The following TTLL8 variants were observed in gnomAD, a reference collection of about 807,000 sequenced individuals.
TTLL8 encodes protein monoglycylase TTLL8.
TTLL8 carries 65 observed loss-of-function variants against 77.8 expected under a neutral mutation model. That is an observed-to-expected ratio of 0.84 (90% CI 0.68 to 1.03). The LOEUF is 1.03. Among genes scored for constraint, TTLL8 ranks in the 50% least tolerant of loss-of-function variants. The pLI is 0.00. For synonymous variants in TTLL8, 402 were observed against 422.8 expected, an observed-to-expected ratio of 0.95 and a Z score of 0.60; for missense variants, 910 against 1,004.5, an observed-to-expected ratio of 0.91 and a Z score of 1.27.
In TTLL8 at chr22:50,041,479, C is replaced by T. The variant is rs1211954664; in HGVS notation, c.830+142G>A. The T allele has an allele frequency of 1.3e-5, 16 of 1,201,642 alleles. No individual in the cohort carries two copies. The highest frequency in any genetic ancestry group is 1.6e-5 in the Non-Finnish European group (15 of 941,764). 74.4% of individuals were successfully genotyped at this position (1,201,642 alleles called of 1,614,324 possible). On this transcript the variant is annotated intron_variant, in intron 7 of 13. Transcript: ENST00000266182. This position sits in a 1 kb window ranked among gnomAD's most constrained non-coding sequence, Gnocchi z 4.3. Reference sequence around the variant, plus strand: ...CCAGACAGGAGCCCCAACGCCAGGACAGGCATCTCAACACTCAATACCCCA... The same window carrying T: ...CCAGACAGGAGCCCCAACGCCAGGATAGGCATCTCAACACTCAATACCCCA...
At chr22:50,045,182 A>G (rs781142194) in intron 6 of TTLL8, 73 bp downstream of exon 8, 1 of 1,283,240 alleles carries the variant, frequency 7.8e-7, no homozygotes, top group Non-Finnish European at 1.0e-6. Flanking sequence ...GACCACACCC[A>G]GGAGGCGGGA....
upstream of TTLL8, among the ~76,000 whole-genome samples, chr22:50,057,942 G>A (rs575041007): frequency 6.6e-6 from 1 of 151,902 alleles, no homozygotes; most frequent in Admixed American, 6.6e-5. Context: ...CAGGTTTAGT[G>A]GGGGAGTTCT....
chr22:50,050,156 A>C, exon 2 of TTLL8: 1 of 1,367,140 alleles, frequency 7.3e-7, no homozygotes, highest in Non-Finnish European at 9.8e-7. Flanking sequence ...GACCTTGGGC[A>C]AAAAGTGGAA....
chr22:50,030,162 ACCCG>A, intron 12 of TTLL8: 1 of 984,964 alleles, frequency 1.0e-6, no homozygotes, highest in Non-Finnish European at 1.2e-6. Flanking sequence ...CAAAGGCGTC[ACCCG>A]CCAGGTTCTA....
chr22:50,052,408 A>G (rs903207128), intron 1 of TTLL8, among the ~76,000 whole-genome samples: 1 of 152,186 alleles, frequency 6.6e-6, no homozygotes, highest in East Asian at 1.9e-4. Flanking sequence ...CAGGTAAGAG[A>G]GGGGAAAGGG....
rs754545230 is a variant in TTLL8 at position 50,034,450 on chromosome 22, G to T, written c.934C>A (p.Leu312Met). 7.3e-7 allele frequency: 1 copy of T among 1,367,132 alleles called. No individual in the cohort carries two copies. The highest frequency in any genetic ancestry group is 9.8e-7 in the Non-Finnish European group (1 of 1,021,802). 84.7% of individuals were successfully genotyped at this position (1,367,132 alleles called of 1,614,324 possible). ...GGGTTCACAGACGTGATTCTATTCA[G>T]CAGAGCCTGGCACTGCGAAAAGTAA... is the stretch of plus-strand genomic sequence containing the variant. The change falls in exon 9 of 14, where the codon CTG becomes ATG. Residue 312 changes from leucine (L) to methionine (M), a missense_variant. Coordinates refer to ENST00000266182, the Ensembl canonical transcript of TTLL8. The surrounding 1 kb of genome is among the most constrained non-coding windows in gnomAD (Gnocchi z 4.1).
chr22:50,029,467 C>A (rs35180179), intron 12 of TTLL8, among the ~76,000 whole-genome samples: 1 of 149,578 alleles, frequency 6.7e-6, no homozygotes, highest in Admixed American at 6.6e-5. Flanking sequence ...TATTGCCGGG[C>A]GCGGTGGCTC....
chr22:50,049,349 G>T, intron 2 of TTLL8, 27 bp from the exon 5 acceptor site: 2 of 1,367,074 alleles, frequency 1.5e-6, no homozygotes, highest in Non-Finnish European at 2.0e-6. Context: ...GGGGAGGCCT[G>T]AACATGAAGC....
At chr22:50,028,624 C>A (rs1338086321) in intron 12 of TTLL8, among the ~76,000 whole-genome samples, 1 of 101,238 alleles carries the variant, frequency 9.9e-6, no homozygotes, top group African/African-American at 3.3e-5. Flanking sequence ...TCCTGAAGAC[C>A]CCCACATACC....
At chr22:50,024,082 C>T (rs1280657263) in intron 12 of TTLL8, among the ~76,000 whole-genome samples, 4 of 152,144 alleles carry the variant, frequency 2.6e-5, no homozygotes, top group Non-Finnish European at 4.4e-5. Context: ...GAGTAGCCAA[C>T]GCAATTTTGA....
At chr22:50,022,666 A>T (rs1011846081) in intron 12 of TTLL8, among the ~76,000 whole-genome samples, 1 of 150,242 alleles carries the variant, frequency 6.7e-6, no homozygotes, top group African/African-American at 2.4e-5. Context: ...ATGTGTTTTG[A>T]TGAAAACCCA....
At chr22:50,028,746 C>G (rs562561876) in intron 12 of TTLL8, among the ~76,000 whole-genome samples, 1 of 39,572 alleles carries the variant, frequency 2.5e-5, no homozygotes, top group African/African-American at 8.3e-5. Flanking sequence ...ATCACACCGT[C>G]CTAAAGACCC....
intron 10 of TTLL8, 121 bp downstream of exon 11, chr22:50,033,081 C>T (rs546647399): frequency 5.1e-6 from 6 of 1,178,892 alleles, no homozygotes; most frequent in East Asian, 5.8e-5. Flanking sequence ...CTGTGCCTCT[C>T]GTGGTGGCAG....
intron 5 of TTLL8, among the ~76,000 whole-genome samples, chr22:50,045,611 C>A (rs962304984): frequency 6.6e-6 from 1 of 152,188 alleles, no homozygotes; most frequent in African/African-American, 2.4e-5. Flanking sequence ...ACCACGGAGC[C>A]GGCCTTGCCC....
At chr22:50,036,492 A>G (rs1423832425) in intron 8 of TTLL8, among the ~76,000 whole-genome samples, 1 of 152,112 alleles carries the variant, frequency 6.6e-6, no homozygotes, top group Non-Finnish European at 1.5e-5. Flanking sequence ...AACGGAGACC[A>G]GTTACGGTGC....
rs1157361453 is a variant in TTLL8 at position 50,044,094 on chromosome 22, G to A, written c.643+1161C>T. On this transcript the variant is annotated intron_variant, in intron 6 of 13. Coordinates refer to ENST00000266182, the Ensembl canonical transcript of TTLL8. This position sits in a 1 kb window ranked among gnomAD's most constrained non-coding sequence, Gnocchi z 4.2. ...AATCCCAGCACTGTGGGAGGCCGAG[G>A]TGGGCGGATCACCTGAAGTCAGGAG... Among the ~76,000 whole-genome samples, 1 of 152,184 alleles carries A rather than the reference G, an allele frequency of 6.6e-6. No individual in the cohort carries two copies. The highest frequency in any genetic ancestry group is 2.4e-5 in the African/African-American group (1 of 41,442).
At chr22:50,036,526 G>A (rs913482748) in intron 8 of TTLL8, among the ~76,000 whole-genome samples, 6 of 152,046 alleles carry the variant, frequency 3.9e-5, no homozygotes, top group Admixed American at 2.0e-4. Context: ...AGACAGGGCT[G>A]CCCTGTTCCT....
chr22:50,046,858 C>A (rs1472293465), intron 4 of TTLL8, among the ~76,000 whole-genome samples: 1 of 152,188 alleles, frequency 6.6e-6, no homozygotes, highest in Non-Finnish European at 1.5e-5. Context: ...CCCCTGGGGT[C>A]CCACAGCCCC....
chr22:50,030,305 C>A (rs964462905), intron 12 of TTLL8, 125 bp downstream of exon 13: 2 of 1,113,102 alleles, frequency 1.8e-6, no homozygotes, highest in Non-Finnish European at 2.2e-6. Flanking sequence ...CAGGGGACAC[C>A]CCGGGCCCCA....
Sources: allele counts gnomAD v4.1 joint callset (sites outside exome capture counted in the v4.1 genomes callset), GRCh38; gene constraint gnomAD v4.1.1; non-coding constraint Gnocchi (gnomAD v3.1); transcripts MANE v1.5; gene names NCBI Gene and HGNC (gene_info 2026-07-23, HGNC 2026-07-21).